LMNTD1: variants seen among roughly 807,000 people sequenced by gnomAD.
The protein encoded by LMNTD1 is lamin tail domain-containing protein 1.
LMNTD1 carries 35 observed loss-of-function variants against 50.9 expected under a neutral mutation model. The ratio of observed to expected loss-of-function variants is 0.69; its 90% confidence interval spans 0.53 to 0.91. LMNTD1 has a LOEUF of 0.91. LMNTD1 is among the 40% of genes least tolerant of loss of function. The pLI, the probability that LMNTD1 is intolerant of heterozygous loss-of-function variation, is 0.00. For synonymous variants in LMNTD1, 153 were observed against 161.9 expected, an observed-to-expected ratio of 0.94 and a Z score of 0.42; for missense variants, 470 against 475.5, an observed-to-expected ratio of 0.99 and a Z score of 0.11.
intron 9 of LMNTD1, among the ~76,000 whole-genome samples, chr12:25,495,801 A>T (rs1433536762): frequency 6.6e-6 from 1 of 152,188 alleles, no homozygotes; most frequent in Non-Finnish European, 1.5e-5. Flanking sequence ...CCCTGTGGTG[A>T]TGTAACTGAC....
chr12:25,547,218 G>GA, intron 3 of LMNTD1: 2 of 963,164 alleles, frequency 2.1e-6, no homozygotes, highest in Non-Finnish European at 2.5e-6. Flanking sequence ...CGCAAAGGGG[G>GA]AGTTACATTA....
chr12:25,501,463 T>C lies in LMNTD1; in HGVS notation c.*22+2275A>G, dbSNP rs1454749613. 2.0e-5 allele frequency among the ~76,000 whole-genome samples: 3 copies of C among 152,230 alleles called. No individual in the cohort carries two copies. The South Asian group carries it at 6.2e-4, about 31-fold the overall frequency. On this transcript the variant is annotated intron_variant, in intron 9 of 9. Coordinates refer to ENST00000458174, the MANE Select transcript of LMNTD1 (RefSeq NM_001145728.2). ...CCTGCTTCTAAATGTGTGGTGTTTC[T>C]TTCTTTCAGACAAATTTGAGTGGGG...
chr12:25,550,495 G>A (rs1370879528), intron 2 of LMNTD1, among the ~76,000 whole-genome samples: 1 of 152,152 alleles, frequency 6.6e-6, no homozygotes, highest in Non-Finnish European at 1.5e-5. Flanking sequence ...CAAATGGCCA[G>A]TTCAGCCATC....
At chr12:25,516,750 T>C (rs961745851) in intron 8 of LMNTD1, among the ~76,000 whole-genome samples, 1 of 151,684 alleles carries the variant, frequency 6.6e-6, no homozygotes, top group Non-Finnish European at 1.5e-5. Context: ...CAAAAGAAAC[T>C]ACCATCAGAG....
intron 4 of LMNTD1, among the ~76,000 whole-genome samples, chr12:25,533,606 A>C (rs763180516): frequency 6.6e-6 from 1 of 152,144 alleles, no homozygotes; most frequent in Non-Finnish European, 1.5e-5. Flanking sequence ...TTGGGGATAT[A>C]TGGGCTGATG....
At chr12:25,523,614 G>A (rs1270807549) in intron 6 of LMNTD1, among the ~76,000 whole-genome samples, 2 of 152,082 alleles carry the variant, frequency 1.3e-5, no homozygotes, top group African/African-American at 2.4e-5. Context: ...TTTACCTGGC[G>A]GTTGCAGATA....
At chr12:25,542,919 A>T (rs1043671317) in intron 4 of LMNTD1, among the ~76,000 whole-genome samples, 8 of 151,846 alleles carry the variant, frequency 5.3e-5, no homozygotes, top group Non-Finnish European at 1.0e-4. Context: ...GAGAAGATAC[A>T]GATGACCATA....
chr12:25,549,576 T>C, intron 2 of LMNTD1, 30 bp from the exon 3 acceptor site: 1 of 1,243,618 alleles, frequency 8.0e-7, no homozygotes, highest in South Asian at 1.7e-5. Context: ...TATAAATAAA[T>C]AAATAAGAAA....
At chr12:25,567,088 C>T (rs970795572) in intron 1 of LMNTD1, among the ~76,000 whole-genome samples, 1 of 152,056 alleles carries the variant, frequency 6.6e-6, no homozygotes, top group Non-Finnish European at 1.5e-5. Context: ...TCTGAAGTGA[C>T]GCTGGGTTGT....
intron 9 of LMNTD1, among the ~76,000 whole-genome samples, chr12:25,488,172 GT>G (rs943531792): frequency 3.4e-4 from 49 of 142,534 alleles, no homozygotes; most frequent in African/African-American, 1.2e-3. Flanking sequence ...GAATCTGAAC[GT>G]TGGCCTGCCT....
intron 1 of LMNTD1, among the ~76,000 whole-genome samples, chr12:25,584,102 A>C (rs1945422006): frequency 6.6e-6 from 1 of 152,184 alleles, no homozygotes; most frequent in African/African-American, 2.4e-5. Context: ...ATTTGCTGGC[A>C]GATTAGATAG....
intron 1 of LMNTD1, among the ~76,000 whole-genome samples, chr12:25,631,113 G>GA (rs1258201382): frequency 6.6e-6 from 1 of 152,034 alleles, no homozygotes; most frequent in Non-Finnish European, 1.5e-5. Flanking sequence ...TTGGCCTGGG[G>GA]ACCTCACCCC....
intron 1 of LMNTD1, among the ~76,000 whole-genome samples, chr12:25,643,723 T>G (rs1214134700): frequency 2.6e-5 from 4 of 152,186 alleles, no homozygotes; most frequent in Admixed American, 1.3e-4. Context: ...ATCAAGGTTC[T>G]GATGGCAAAG....
intron 1 of LMNTD1, among the ~76,000 whole-genome samples, chr12:25,565,889 T>A (rs1013250868): frequency 5.9e-5 from 9 of 152,192 alleles, no homozygotes; most frequent in African/African-American, 2.2e-4. Context: ...TTTGTTGTTT[T>A]TCTCTTCAGC....
At chr12:25,568,280 C>T (rs1944641962) in intron 1 of LMNTD1, among the ~76,000 whole-genome samples, 1 of 152,200 alleles carries the variant, frequency 6.6e-6, no homozygotes, top group Admixed American at 6.5e-5. Context: ...TTCTAAGTAG[C>T]AAAACGGTCA....
chr12:25,589,036 C>T lies in LMNTD1; in HGVS notation c.59-42482G>A, dbSNP rs1424095592. ...CAGAAATTCTTACATTGCTAGAAAC[C>T]GAATTAGAAAACAACTAGGGATTAT... On this transcript the variant is annotated intron_variant, in intron 1 of 7. Coordinates refer to the LMNTD1 transcript ENST00000445693. Among the ~76,000 whole-genome samples the T allele has an allele frequency of 5.3e-5, 8 of 152,140 alleles. No homozygotes were observed. In the East Asian group the frequency reaches 7.7e-4, roughly 15 times the overall value.
chr12:25,520,121 T>A, intron 6 of LMNTD1, 46 bp from the exon 7 acceptor site: 1 of 831,186 alleles, frequency 1.2e-6, no homozygotes, highest in Non-Finnish European at 1.9e-6. Flanking sequence ...ATTTGAGGTT[T>A]ACAACATGCT....
At chr12:25,640,755 C>T (rs572863529) in intron 1 of LMNTD1, among the ~76,000 whole-genome samples, 6 of 152,100 alleles carry the variant, frequency 3.9e-5, no homozygotes, top group Non-Finnish European at 7.4e-5. Flanking sequence ...CTCCACCTCC[C>T]GGGTTCACGC....
rs987115749 is a variant in LMNTD1 at position 25,648,373 on chromosome 12, T to C, written c.58+121A>G. On this transcript the variant is annotated intron_variant, in intron 1 of 7. Coordinates refer to the LMNTD1 transcript ENST00000445693. ...TCACGTTTATGAAAAAAATTGTTCT[T>C]ATATCTCAGTGATGACAGATATGAC... The C allele has an allele frequency of 1.6e-5, 12 of 756,406 alleles. No individual in the cohort carries two copies. In the African/African-American group the frequency reaches 2.1e-4, roughly 13 times the overall value. 46.9% of individuals were successfully genotyped at this position (756,406 alleles called of 1,614,324 possible).
Sources: gnomAD v4.1 joint callset for allele counts (sites outside exome capture counted in the v4.1 genomes callset) on GRCh38, gnomAD v4.1.1 for gene constraint, MANE v1.5 for transcripts, NCBI Gene and HGNC (gene_info 2026-07-23, HGNC 2026-07-21) for gene names.